The following CLGN variants were observed in gnomAD, a reference collection of about 807,000 sequenced individuals.
CLGN encodes calmegin, also known as testis tissue sperm-binding protein Li 79P.
Under a neutral mutation model 79.1 loss-of-function variants are expected in CLGN, and 62 were observed. That is an observed-to-expected ratio of 0.78 (90% CI 0.64 to 0.97). The LOEUF is 0.97. Among genes scored for constraint, CLGN ranks in the 50% least tolerant of loss-of-function variants. The pLI is 0.00. For missense variants in CLGN, 647 were observed against 715.5 expected (o/e 0.90, Z 1.09); for synonymous variants, 225 against 224.7 (o/e 1.00, Z -0.01).
In CLGN at chr4:140,392,204, C is replaced by T. The variant is rs751699913; in HGVS notation, c.1651+15G>A. The T allele has an allele frequency of 1.2e-6, 2 of 1,609,854 alleles. No homozygotes were observed. The highest frequency in any genetic ancestry group is 1.7e-5 in the Admixed American group (1 of 59,278). ...TACCCAGAGTCTCCATTATAAATCACTCTCATCATCTTACCTTTTTCAAGC... is the reference window on the plus strand; with the variant it reads ...TACCCAGAGTCTCCATTATAAATCATTCTCATCATCTTACCTTTTTCAAGC... On this transcript the variant is annotated intron_variant, in intron 13 of 14. Transcript: ENST00000325617.
chr4:140,393,790 T>C (rs1199339535), intron 11 of CLGN, 36 bp downstream of exon 11: 17 of 1,568,360 alleles, frequency 1.1e-5, no homozygotes, highest in Admixed American at 1.7e-5. Context: ...TTATTATTCA[T>C]AGTTATATCA....
At chr4:140,401,923 T>G in intron 6 of CLGN, 62 bp downstream of exon 6, 1 of 895,744 alleles carries the variant, frequency 1.1e-6, no homozygotes, top group Non-Finnish European at 1.7e-6. Flanking sequence ...AGTTTTATCA[T>G]TTGTTCCTTA....
At chr4:140,412,877 A>G (rs1254396506) in intron 2 of CLGN, 58 bp downstream of exon 2, 1 of 1,388,386 alleles carries the variant, frequency 7.2e-7, no homozygotes, top group Non-Finnish European at 9.9e-7. Context: ...CCAGAGGTCA[A>G]TCACTTCATT....
intron 1 of CLGN, among the ~76,000 whole-genome samples, chr4:140,415,462 C>T (rs1221729175): frequency 1.2e-4 from 18 of 152,032 alleles, no homozygotes; most frequent in Admixed American, 2.6e-4. Context: ...ACCCATCTCA[C>T]GTGCAGAGAC....
chr4:140,396,093 A>G lies in CLGN; in HGVS notation c.997T>C (p.Trp333Arg), dbSNP rs1385964552. ...CATTTGAAGATGAAGAGTGCTTACC[A>G]GTCATCAGGTTTTTCAGCATTAGGA... ...PDPNAEKPDD[W>R]NEDTDGEWEA... Residue 333 changes from tryptophan to arginine, a missense_variant and splice_region_variant, in exon 9 of 15, where the codon TGG (tryptophan) becomes CGG (arginine). Physicochemically the swap from Trp to Arg is moderately radical, Grantham distance 101. Coordinates refer to ENST00000325617, the MANE Select transcript of CLGN (RefSeq NM_004362.3). 9.3e-6 allele frequency: 15 copies of G among 1,613,720 alleles called. No homozygotes were observed. The highest frequency in any genetic ancestry group is 1.3e-5 in the African/African-American group (1 of 75,048).
chr4:140,405,062 A>G (rs1272251410), intron 5 of CLGN, among the ~76,000 whole-genome samples: 1 of 151,586 alleles, frequency 6.6e-6, no homozygotes, highest in Non-Finnish European at 1.5e-5. Context: ...ATAAACATTT[A>G]TTTTTGAAAT....
At chr4:140,417,031 C>G (rs7658816) in intron 1 of CLGN, among the ~76,000 whole-genome samples, 21,311 of 151,254 alleles carry the variant, frequency 0.14, 1,739 homozygotes, top group East Asian at 0.23. Flanking sequence ...CCCTGGGATG[C>G]AAGGCTGGTT....
rs573767882 is a variant in CLGN, at chr4:140,400,730, T to C, written c.502-181A>G. Among the ~76,000 whole-genome samples the C allele has an allele frequency of 5.5e-4, 83 of 152,250 alleles. 2 individuals carry two copies. In the South Asian group the frequency reaches 0.017, roughly 31 times the overall value. ...GAAAATGACAAATTTTACTTCAATA[T>C]AGATTTTTTTAAGTACACACTACTT... On this transcript the variant is annotated intron_variant, in intron 6 of 14. Coordinates refer to ENST00000325617, the MANE Select transcript of CLGN (RefSeq NM_004362.3).
At chr4:140,398,609 C>T (rs1019830454) in intron 8 of CLGN, among the ~76,000 whole-genome samples, 2 of 151,242 alleles carry the variant, frequency 1.3e-5, no homozygotes, top group Admixed American at 6.6e-5. Context: ...TAATCCACAG[C>T]ATTGAAAACA....
At chr4:140,415,345 T>A (rs2126630831) in intron 1 of CLGN, among the ~76,000 whole-genome samples, 1 of 150,456 alleles carries the variant, frequency 6.6e-6, no homozygotes, top group East Asian at 2.0e-4. Flanking sequence ...AATTCACACA[T>A]AACAATATTA....
chr4:140,426,166 G>A (rs978654675), intron 1 of CLGN, among the ~76,000 whole-genome samples: 3 of 152,080 alleles, frequency 2.0e-5, no homozygotes, highest in Non-Finnish European at 2.9e-5. Flanking sequence ...TGGCACAATC[G>A]CACCAAGTTT....
chr4:140,401,895 G>A (rs1184985777), intron 6 of CLGN, 90 bp downstream of exon 6: 1 of 716,026 alleles, frequency 1.4e-6, no homozygotes, highest in Non-Finnish European at 2.3e-6. Context: ...TTCAATTTCA[G>A]TTGAAGACAA....
At chr4:140,419,586 T>C (rs1186036127) in intron 1 of CLGN, among the ~76,000 whole-genome samples, 1 of 152,124 alleles carries the variant, frequency 6.6e-6, no homozygotes, top group Admixed American at 6.6e-5. Flanking sequence ...TTTAATGTGG[T>C]AGAGTTTTAC....
intron 4 of CLGN, among the ~76,000 whole-genome samples, chr4:140,407,761 A>C (rs1729136164): frequency 6.6e-6 from 1 of 152,126 alleles, no homozygotes; most frequent in African/African-American, 2.4e-5. Flanking sequence ...CATAGCGCCC[A>C]AAGCCATCTA....
chr4:140,424,450 C>G (rs577470947), intron 1 of CLGN, among the ~76,000 whole-genome samples: 1 of 152,196 alleles, frequency 6.6e-6, no homozygotes, highest in African/African-American at 2.4e-5. Context: ...GGAGAATGTT[C>G]TATGTGCAGT....
rs527654450 is a variant in CLGN, at chr4:140,389,170, G to C, written c.*54C>G. 3.0e-5 allele frequency: 43 copies of C among 1,446,036 alleles called. No homozygotes were observed. In the Middle Eastern group the frequency reaches 5.2e-4, roughly 18 times the overall value. 89.6% of individuals were successfully genotyped at this position (1,446,036 alleles called of 1,614,324 possible). ...GATTAAAGTTCAGGTCTGGCATGCT[G>C]ATTTTTACAATGCCAAACATCCCTC... is the stretch of plus-strand genomic sequence containing the variant. On this transcript the variant is annotated 3_prime_UTR_variant, in exon 15 of 15. Coordinates refer to ENST00000325617, the MANE Select transcript of CLGN (RefSeq NM_004362.3).
At position 140,395,809 on chromosome 4, in the gene CLGN, C is replaced by A; in HGVS notation, c.1149+10G>T. On this transcript the variant is annotated intron_variant, in intron 10 of 14. Coordinates refer to ENST00000325617, the MANE Select transcript of CLGN (RefSeq NM_004362.3). The stretch of plus-strand genomic sequence containing the variant: ...AACTTCACTAAATAATTGGAACAAG[C>A]GGTTGTTACCTGATAGTTAGGATTA... 1 of 1,408,326 alleles carries A rather than the reference C, an allele frequency of 7.1e-7. No homozygotes were observed. The highest frequency in any genetic ancestry group is 2.1e-5 in the South Asian group (1 of 48,436). 87.2% of individuals were successfully genotyped at this position (1,408,326 alleles called of 1,614,324 possible). A position where few individuals can be genotyped will look rare whatever the true frequency, so the allele number is the denominator to read the frequency against.
chr4:140,399,152 C>T (rs1009149743), intron 7 of CLGN, 112 bp from the exon 8 acceptor site: 6 of 779,624 alleles, frequency 7.7e-6, no homozygotes, highest in Non-Finnish European at 1.1e-5. Context: ...TTTTTCCCAA[C>T]CAGAAATAGA....
intron 1 of CLGN, among the ~76,000 whole-genome samples, chr4:140,413,556 G>T (rs1408376162): frequency 6.6e-6 from 1 of 152,260 alleles, no homozygotes; most frequent in Non-Finnish European, 1.5e-5. Context: ...AGCACAAGGG[G>T]TCAGGGAGTT....
Sources: allele counts gnomAD v4.1 joint callset (sites outside exome capture counted in the v4.1 genomes callset), GRCh38; gene constraint gnomAD v4.1.1; transcripts MANE v1.5; gene names NCBI Gene and HGNC (gene_info 2026-07-23, HGNC 2026-07-21).